The following RHBDF2 variants were observed in gnomAD, a reference collection of about 807,000 sequenced individuals.
RHBDF2 encodes inactive rhomboid protein 2.
Under a neutral mutation model 95.2 loss-of-function variants are expected in RHBDF2, and 38 were observed. The ratio of observed to expected loss-of-function variants is 0.40; its 90% CI spans 0.31 to 0.52. The LOEUF is 0.52. RHBDF2 is among the 20% of genes least tolerant of loss of function. RHBDF2 has a pLI of 0.56. For synonymous variants in RHBDF2, 442 were observed against 462.0 expected, an observed-to-expected ratio of 0.96 and a Z score of 0.55; for missense variants, 863 against 1,137.7, an observed-to-expected ratio of 0.76 and a Z score of 3.47.
intron 1 of RHBDF2, among the ~76,000 whole-genome samples, chr17:76,488,775 C>T (rs2074215310): frequency 6.6e-6 from 1 of 152,102 alleles, no homozygotes; most frequent in Non-Finnish European, 1.5e-5. Flanking sequence ...AGTGAAACCC[C>T]ATCTCTACTA....
intron 2 of RHBDF2, among the ~76,000 whole-genome samples, chr17:76,486,939 C>G (rs1598691079): frequency 6.7e-6 from 1 of 148,372 alleles, no homozygotes; most frequent in Non-Finnish European, 1.5e-5. Flanking sequence ...GCCGGTCCCA[C>G]CTCGCTTCCT....
intron 1 of RHBDF2, among the ~76,000 whole-genome samples, chr17:76,488,719 A>G (rs2074213225): frequency 6.6e-6 from 1 of 151,496 alleles, no homozygotes; most frequent in Non-Finnish European, 1.5e-5. Flanking sequence ...GAGGCTGAGG[A>G]GGGTGGATCA....
At chr17:76,474,563 TGA>T in intron 11 of RHBDF2, 29 bp from the exon 12 acceptor site, 1 of 1,611,044 alleles carries the variant, frequency 6.2e-7, no homozygotes, top group Non-Finnish European at 8.5e-7. Context: ...GGGGAGAGAG[TGA>T]GTTTGAGCCC....
Position 76,478,885 on chromosome 17 carries a change from G to A in RHBDF2, c.593C>T (p.Ser198Phe), listed in dbSNP as rs1423035542. 2 of 1,613,062 alleles carry A rather than the reference G, an allele frequency of 1.2e-6. No individual in the cohort carries two copies. The highest frequency in any genetic ancestry group is 2.2e-5 in the East Asian group (1 of 44,884). The part of the protein sequence containing the change: ...LSLTSFTSVR[S>F]GYSHLPRRKR... Reference sequence around the variant, plus strand: ...GCGGCGTGGCAGGTGGGAGTAGCCAGAACGGACACTGGTGAAGGAGGTGAG... The same window carrying A: ...GCGGCGTGGCAGGTGGGAGTAGCCAAAACGGACACTGGTGAAGGAGGTGAG... Residue 198 changes from serine to phenylalanine, a missense_variant, in exon 6 of 19, where the codon TCT (serine) becomes TTT (phenylalanine). Around this residue, in one of 2 missense-constraint regions of RHBDF2, gnomAD observed 611 missense variants for 725.5 expected, o/e 0.84. Coordinates refer to ENST00000675367, the MANE Select transcript of RHBDF2 (RefSeq NM_001005498.4).
At chr17:76,497,858 C>A (rs1425596758) in intron 1 of RHBDF2, among the ~76,000 whole-genome samples, 1 of 152,210 alleles carries the variant, frequency 6.6e-6, no homozygotes, top group Admixed American at 6.5e-5. Context: ...CCTCCTCCAT[C>A]CTTTTCTGCT....
chr17:76,492,109 C>T (rs1030205987), intron 1 of RHBDF2, among the ~76,000 whole-genome samples: 2 of 152,222 alleles, frequency 1.3e-5, no homozygotes, highest in Non-Finnish European at 2.9e-5. Context: ...GGCCTTCAGC[C>T]CCAGCCCAGC....
At chr17:76,487,124 A>T (rs1312186760) in intron 2 of RHBDF2, among the ~76,000 whole-genome samples, 1 of 150,670 alleles carries the variant, frequency 6.6e-6, no homozygotes, top group African/African-American at 2.4e-5. Context: ...ATGCCCAGCT[A>T]ATTTTGTATT....
At chr17:76,485,886 C>T (rs2074112608) in intron 2 of RHBDF2, among the ~76,000 whole-genome samples, 1 of 152,078 alleles carries the variant, frequency 6.6e-6, no homozygotes, top group Non-Finnish European at 1.5e-5. Context: ...TGCATGAGTC[C>T]ATTCATATGA....
At chr17:76,478,470 G>A (rs569325723) in intron 6 of RHBDF2, among the ~76,000 whole-genome samples, 8 of 152,358 alleles carry the variant, frequency 5.3e-5, no homozygotes, top group Admixed American at 3.3e-4. Flanking sequence ...GGCTCTGCAC[G>A]CGGTGCCCAG....
At chr17:76,485,657 T>G (rs1425666099) in intron 2 of RHBDF2, among the ~76,000 whole-genome samples, 1 of 152,084 alleles carries the variant, frequency 6.6e-6, no homozygotes, top group East Asian at 1.9e-4. Flanking sequence ...CACAGAAACC[T>G]GGACAGGAAG....
In RHBDF2 at chr17:76,481,436, G is replaced by C. The variant is rs370539648; in HGVS notation, c.89C>G (p.Thr30Ser). 6.8e-6 allele frequency: 11 copies of C among 1,612,838 alleles called. No homozygotes were observed. The African/African-American group carries it at 1.5e-4, about 22-fold the overall frequency. The change falls in exon 3 of 19, where the codon ACC becomes AGC. Residue 30 changes from threonine to serine, a missense_variant. This residue lies in a region of RHBDF2 where 611 missense variants were observed against 725.5 expected (regional missense o/e 0.84). Transcript: ENST00000675367. Reference sequence around the variant, plus strand: ...GGTCTCTTTCTCGGGTGGCGGGATGGTGATGGAGAGGTTGGGTGGCTTCCG... The same window carrying C: ...GGTCTCTTTCTCGGGTGGCGGGATGCTGATGGAGAGGTTGGGTGGCTTCCG... ...QSRKPPNLSI[T>S]IPPPEKETQA...
intron 7 of RHBDF2, 128 bp downstream of exon 7, chr17:76,477,529 C>T (rs909642722): frequency 9.6e-5 from 115 of 1,198,336 alleles, no homozygotes; most frequent in Non-Finnish European, 1.3e-4. Flanking sequence ...CACATAGGAC[C>T]ATGCCACATC....
At chr17:76,479,033 CA>C in intron 5 of RHBDF2, 24 bp from the exon 6 acceptor site, 1 of 1,609,564 alleles carries the variant, frequency 6.2e-7, no homozygotes, top group Non-Finnish European at 8.5e-7. Context: ...GGGCGGTAAG[CA>C]GAGCCATTAG....
At chr17:76,500,223 G>A (rs1358457883) in intron 1 of RHBDF2, among the ~76,000 whole-genome samples, 2 of 152,050 alleles carry the variant, frequency 1.3e-5, no homozygotes, top group African/African-American at 2.4e-5. Context: ...GGGCTGTTCC[G>A]TGCCCTGAAG....
chr17:76,483,186 G>T (rs1295834319), intron 2 of RHBDF2, among the ~76,000 whole-genome samples: 1 of 151,706 alleles, frequency 6.6e-6, no homozygotes, highest in Non-Finnish European at 1.5e-5. Flanking sequence ...AGTAGCCGGG[G>T]TTATGGGCGT....
intron 9 of RHBDF2, among the ~76,000 whole-genome samples, chr17:76,475,666 T>C (rs1459174742): frequency 5.3e-5 from 8 of 151,930 alleles, no homozygotes; most frequent in Non-Finnish European, 1.5e-5. Context: ...CACTGCAACC[T>C]TCGCCCCCAG....
chr17:76,471,452 G>T lies in RHBDF2; in HGVS notation c.*181C>A. The T allele has an allele frequency of 3.0e-6, 2 of 668,880 alleles. No homozygotes were observed. The highest frequency in any genetic ancestry group is 4.9e-6 in the Non-Finnish European group (2 of 404,738). 41.4% of individuals were successfully genotyped at this position (668,880 alleles called of 1,614,324 possible). ...AGGCCTCACGCCCCAGAAAAACCCCGCCTTAACCAACCATCTCACGCGGAG... is the reference window on the plus strand; with the variant it reads ...AGGCCTCACGCCCCAGAAAAACCCCTCCTTAACCAACCATCTCACGCGGAG... On this transcript the variant is annotated 3_prime_UTR_variant, in exon 19 of 19. Transcript: ENST00000675367.
chr17:76,473,373 C>G, intron 15 of RHBDF2, 46 bp from the exon 16 acceptor site: 1 of 1,519,516 alleles, frequency 6.6e-7, no homozygotes, highest in Non-Finnish European at 9.0e-7. Flanking sequence ...CGCCGAATAA[C>G]CACTGCCCAC....
At chr17:76,485,136 G>A (rs1354761636) in intron 2 of RHBDF2, among the ~76,000 whole-genome samples, 3 of 151,686 alleles carry the variant, frequency 2.0e-5, no homozygotes, top group Non-Finnish European at 4.4e-5. Context: ...GGCTGGGCGC[G>A]GTGGCTCATG....
Sources: allele counts gnomAD v4.1 joint callset (sites outside exome capture counted in the v4.1 genomes callset), GRCh38; gene constraint gnomAD v4.1.1; regional missense constraint gnomAD v4.1.1; transcripts MANE v1.5; gene names NCBI Gene and HGNC (gene_info 2026-07-23, HGNC 2026-07-21).